MLLT3: variants seen among roughly 807,000 people sequenced by gnomAD.
MLLT3 encodes the protein MLLT3 super elongation complex subunit, also known as protein AF-9.
A neutral mutation model predicts 53.2 loss-of-function variants in MLLT3; 4 were observed. The observed-to-expected ratio is 0.08, with a 90% CI of 0.04 to 0.17. The LOEUF is 0.17. MLLT3 is among the 10% of genes least tolerant of loss of function. The probability of loss-of-function intolerance (pLI) is 1.00; values close to 1 mark genes in which losing one functional copy is unlikely to be tolerated. For missense variants in MLLT3, 569 were observed against 684.0 expected, an observed-to-expected ratio of 0.83 and a Z score of 1.87; for synonymous variants, 283 against 230.6, an observed-to-expected ratio of 1.23 and a Z score of -2.06.
Position 20,620,547 on chromosome 9 carries a change from C to G in MLLT3, c.193+107G>C, listed in dbSNP as rs573175884. On this transcript the variant is annotated intron_variant, in intron 2 of 10. Transcript: ENST00000380338. The surrounding 1 kb of genome is among the most constrained non-coding windows in gnomAD (Gnocchi z 6.1). ...GCGCACCCGGATCCCGAGGCTACGC[C>G]GGCGAGCGCGGCGCGGGGGGCGGGG... 3 of 1,027,300 alleles carry G rather than the reference C, an allele frequency of 2.9e-6. No homozygotes were observed. Among genetic ancestry groups the G allele is most frequent in the Non-Finnish European group, 3.9e-6 (3 of 771,004 alleles). 63.6% of individuals were successfully genotyped at this position (1,027,300 alleles called of 1,614,324 possible).
chr9:20,526,336 C>A (rs1207406106), intron 2 of MLLT3, among the ~76,000 whole-genome samples: 1 of 152,174 alleles, frequency 6.6e-6, no homozygotes, highest in Admixed American at 6.5e-5. Context: ...AAGCCTTCCC[C>A]AGTACCCACT....
At chr9:20,515,872 G>A (rs772163232) in intron 2 of MLLT3, among the ~76,000 whole-genome samples, 1 of 152,262 alleles carries the variant, frequency 6.6e-6, no homozygotes, top group Non-Finnish European at 1.5e-5. Context: ...GTAAGACTCT[G>A]CGGCTGGGGA....
chr9:20,500,037 G>GTTCC (rs2118937815), intron 2 of MLLT3, among the ~76,000 whole-genome samples: 1 of 152,300 alleles, frequency 6.6e-6, no homozygotes, highest in Non-Finnish European at 1.5e-5. Flanking sequence ...AAAGAAACAT[G>GTTCC]TTCCAATTAT....
rs116435462 is a variant in MLLT3, at chr9:20,512,531, A to G, written c.194-55745T>C. Reference sequence around the variant, plus strand: ...TTCTGATAATGGCTATTGTTGCAGAACCACTGCCCCTAACTATACATTATA... The same window carrying G: ...TTCTGATAATGGCTATTGTTGCAGAGCCACTGCCCCTAACTATACATTATA... On this transcript the variant is annotated intron_variant, in intron 2 of 10. Coordinates refer to ENST00000380338, the MANE Select transcript of MLLT3 (RefSeq NM_004529.4). 4.6e-3 allele frequency among the ~76,000 whole-genome samples: 699 copies of G among 152,304 alleles called. 4 individuals carry two copies. Among genetic ancestry groups the G allele is most frequent in the African/African-American group, 0.015 (613 of 41,574 alleles).
intron 5 of MLLT3, among the ~76,000 whole-genome samples, chr9:20,377,998 G>C (rs1821813628): frequency 6.6e-6 from 1 of 151,998 alleles, no homozygotes; most frequent in Non-Finnish European, 1.5e-5. Flanking sequence ...CCTCTATCTA[G>C]ATCAAGGAAC....
chr9:20,569,306 C>T (rs1457875648), intron 2 of MLLT3, among the ~76,000 whole-genome samples: 1 of 152,112 alleles, frequency 6.6e-6, no homozygotes, highest in African/African-American at 2.4e-5. Flanking sequence ...ACCAGGTAAC[C>T]TGCTCCAGAT....
chr9:20,385,126 TAC>T (rs1192236903), intron 5 of MLLT3, among the ~76,000 whole-genome samples: 1 of 152,170 alleles, frequency 6.6e-6, no homozygotes, highest in African/African-American at 2.4e-5. Context: ...CCGATTAACA[TAC>T]ACACTGAAAA....
At chr9:20,353,765 C>A (rs936087122) in intron 9 of MLLT3, among the ~76,000 whole-genome samples, 169 bp from the exon 10 acceptor site, 1 of 152,200 alleles carries the variant, frequency 6.6e-6, no homozygotes, top group Non-Finnish European at 1.5e-5. Flanking sequence ...GCAGAACAAG[C>A]CTGTCTTGGA....
intron 5 of MLLT3, among the ~76,000 whole-genome samples, chr9:20,387,976 T>G (rs1822083216): frequency 6.6e-6 from 1 of 152,180 alleles, no homozygotes; most frequent in South Asian, 2.1e-4. Context: ...GGGGTTAACA[T>G]CACAATTGCC....
intron 2 of MLLT3, among the ~76,000 whole-genome samples, chr9:20,461,789 C>T (rs1011042027): frequency 5.3e-5 from 8 of 152,052 alleles, no homozygotes; most frequent in Non-Finnish European, 1.2e-4. Context: ...TGATTTATGG[C>T]CATCTGAATA....
At chr9:20,437,073 G>A (rs1235762628) in intron 4 of MLLT3, among the ~76,000 whole-genome samples, 1 of 152,074 alleles carries the variant, frequency 6.6e-6, no homozygotes, top group African/African-American at 2.4e-5. Flanking sequence ...AAAAAGGGCT[G>A]TGCTATGAGT....
chr9:20,488,369 A>G (rs1010614639), intron 2 of MLLT3, among the ~76,000 whole-genome samples: 5 of 152,150 alleles, frequency 3.3e-5, no homozygotes, highest in African/African-American at 1.2e-4. Context: ...ATCTAATGTT[A>G]TATATTTTTA....
At chr9:20,462,230 A>G (rs1824127327) in intron 2 of MLLT3, among the ~76,000 whole-genome samples, 1 of 152,190 alleles carries the variant, frequency 6.6e-6, no homozygotes, top group Non-Finnish European at 1.5e-5. Flanking sequence ...AAGATTCACC[A>G]TTGATTTTAT....
chr9:20,495,061 T>G (rs1323643637), intron 2 of MLLT3, among the ~76,000 whole-genome samples: 1 of 152,210 alleles, frequency 6.6e-6, no homozygotes, highest in Non-Finnish European at 1.5e-5. Flanking sequence ...ACTTCATTCC[T>G]GCCAAACTAC....
In MLLT3 at chr9:20,424,216, C is replaced by A. The variant is rs145517559; in HGVS notation, c.421-9791G>T. 2.2e-3 allele frequency among the ~76,000 whole-genome samples: 335 copies of A among 152,186 alleles called. 1 individual carries two copies. The highest frequency in any genetic ancestry group is 7.2e-3 in the African/African-American group (300 of 41,504). ...CTGTAATTTATTTTAAAATCAGAGG[C>A]TCTTCTTGTATACATTTCAAGTGGG... On this transcript the variant is annotated intron_variant, in intron 4 of 10. Transcript: ENST00000380338.
chr9:20,505,239 A>G (rs939183690), intron 2 of MLLT3, among the ~76,000 whole-genome samples: 4 of 152,226 alleles, frequency 2.6e-5, no homozygotes, highest in Non-Finnish European at 4.4e-5. Flanking sequence ...AGTGATTTTA[A>G]ACTCACTTTC....
At chr9:20,579,206 C>T (rs997536127) in intron 2 of MLLT3, among the ~76,000 whole-genome samples, 9 of 151,810 alleles carry the variant, frequency 5.9e-5, no homozygotes, top group African/African-American at 1.7e-4. Flanking sequence ...CGTCTCTAAA[C>T]AAATTAAAAA....
At chr9:20,482,459 T>C (rs1400061154) in intron 2 of MLLT3, among the ~76,000 whole-genome samples, 2 of 152,250 alleles carry the variant, frequency 1.3e-5, no homozygotes, top group African/African-American at 4.8e-5. Flanking sequence ...TCTCGGGTCA[T>C]TGGAACACTC....
chr9:20,580,702 C>T (rs1819769212), intron 2 of MLLT3, among the ~76,000 whole-genome samples: 1 of 152,190 alleles, frequency 6.6e-6, no homozygotes, highest in African/African-American at 2.4e-5. Context: ...TTTCTTCACA[C>T]ACTCCTTCAC....
Sources: gnomAD v4.1 joint callset for allele counts (sites outside exome capture counted in the v4.1 genomes callset) on GRCh38, gnomAD v4.1.1 for gene constraint, Gnocchi (gnomAD v3.1) non-coding constraint, MANE v1.5 for transcripts, NCBI Gene and HGNC (gene_info 2026-07-23, HGNC 2026-07-21) for gene names.